SLC8A3: variants seen among roughly 807,000 people sequenced by gnomAD.
SLC8A3 encodes sodium/calcium exchanger 3.
Under a neutral mutation model 65.4 loss-of-function variants are expected in SLC8A3, and 37 were observed. The ratio of observed to expected loss-of-function variants is 0.57; its 90% confidence interval spans 0.44 to 0.74. The LOEUF (loss-of-function observed/expected upper bound fraction) is 0.74. Among genes scored for constraint, SLC8A3 ranks in the 30% least tolerant of loss-of-function variants. The probability of loss-of-function intolerance (pLI) is 0.00; values close to 1 mark genes in which losing one functional copy is unlikely to be tolerated. For missense variants in SLC8A3, 1,112 were observed against 1,172.1 expected (o/e 0.95, Z 0.75); for synonymous variants, 461 against 444.5 (o/e 1.04, Z -0.47).
rs773206169 is a variant in SLC8A3, at chr14:70,044,998, C to G, written c.*949G>C. On this transcript the variant is annotated 3_prime_UTR_variant, in exon 7 of 7. Transcript: ENST00000356921. ...TTTTGTTCTTCCAGTAGCCCTTTGTCGTCACACACCATTCCTATTTTTGTC... is the reference window on the plus strand; with the variant it reads ...TTTTGTTCTTCCAGTAGCCCTTTGTGGTCACACACCATTCCTATTTTTGTC... 2.6e-5 allele frequency: 4 copies of G among 152,198 alleles called. No individual in the cohort carries two copies. Among genetic ancestry groups the G allele is most frequent in the Non-Finnish European group, 5.9e-5 (4 of 68,042 alleles). 9.4% of individuals were successfully genotyped at this position (152,198 alleles called of 1,614,324 possible).
At chr14:70,097,142 C>G (rs1395993647) in intron 2 of SLC8A3, among the ~76,000 whole-genome samples, 1 of 151,942 alleles carries the variant, frequency 6.6e-6, no homozygotes, top group Non-Finnish European at 1.5e-5. Flanking sequence ...ACCATGGGCT[C>G]AAGGGAGATG....
At chr14:70,129,672 T>C (rs2140220917) in intron 2 of SLC8A3, among the ~76,000 whole-genome samples, 2 of 152,308 alleles carry the variant, frequency 1.3e-5, no homozygotes, top group Admixed American at 1.3e-4. Context: ...GAGATAGTTG[T>C]ATATTCAAGT....
At chr14:70,052,582 G>A (rs949148836) in intron 3 of SLC8A3, among the ~76,000 whole-genome samples, 1 of 147,836 alleles carries the variant, frequency 6.8e-6, no homozygotes, top group East Asian at 2.0e-4. Flanking sequence ...TTTACCAATG[G>A]TCCCTTCTCA....
Position 70,126,582 on chromosome 14 carries a change from A to T in SLC8A3, c.1784+40057T>A, listed in dbSNP as rs1323902275. On this transcript the variant is annotated intron_variant, in intron 2 of 6. Coordinates refer to ENST00000356921, the MANE Select transcript of SLC8A3 (RefSeq NM_182932.3). Reference sequence around the variant, plus strand: ...CTCTCTCTCTCTCTCACACACACACACACACACACACACACACACACACTT... The same window carrying T: ...CTCTCTCTCTCTCTCACACACACACTCACACACACACACACACACACACTT... Among the ~76,000 whole-genome samples the T allele has an allele frequency of 9.6e-4, 120 of 125,534 alleles. 1 individual carries two copies. Among genetic ancestry groups the T allele is most frequent in the African/African-American group, 3.0e-3 (110 of 36,780 alleles). The allele number at this position is 125,534 out of a possible 152,430, so 82.4% of individuals were successfully genotyped here.
At chr14:70,059,495 T>C (rs1888527903) in intron 3 of SLC8A3, 1 of 152,148 alleles carries the variant, frequency 6.6e-6, no homozygotes. Context: ...CCCTAACCCA[T>C]TCCCACATCT....
chr14:70,179,502 A>T (rs757348188), intron 1 of SLC8A3, among the ~76,000 whole-genome samples: 2 of 152,164 alleles, frequency 1.3e-5, no homozygotes, highest in African/African-American at 2.4e-5. Context: ...GGAAAGATGC[A>T]TCTAGGAAGA....
chr14:70,144,972 A>G (rs1895836727), intron 2 of SLC8A3, among the ~76,000 whole-genome samples: 1 of 152,192 alleles, frequency 6.6e-6, no homozygotes, highest in Admixed American at 6.5e-5. Flanking sequence ...TCTTACATTC[A>G]TCTTCATATG....
At chr14:70,179,209 C>T (rs753628611) in intron 1 of SLC8A3, among the ~76,000 whole-genome samples, 13 of 152,256 alleles carry the variant, frequency 8.5e-5, no homozygotes, top group East Asian at 7.7e-4. Context: ...GGCTTTCCCC[C>T]GCCCATCTTA....
chr14:70,104,527 C>A (rs1476182158), intron 2 of SLC8A3, among the ~76,000 whole-genome samples: 1 of 152,020 alleles, frequency 6.6e-6, no homozygotes, highest in African/African-American at 2.4e-5. Flanking sequence ...CCCTACTTAT[C>A]GCTGGTAATA....
At chr14:70,146,475 AG>A (rs1555380628) in intron 2 of SLC8A3, among the ~76,000 whole-genome samples, 1 of 152,240 alleles carries the variant, frequency 6.6e-6, no homozygotes, top group Non-Finnish European at 1.5e-5. Context: ...AAGCCCAGCA[AG>A]GGAAAAGGAA....
intron 2 of SLC8A3, among the ~76,000 whole-genome samples, chr14:70,086,676 C>T (rs1891470670): frequency 6.6e-6 from 1 of 152,052 alleles, no homozygotes; most frequent in South Asian, 2.1e-4. Flanking sequence ...AGTGCTGAGC[C>T]ACTGCACTTG....
chr14:70,167,670 T>A lies in SLC8A3; in HGVS notation c.753A>T (p.Ala251=). 6.2e-7 allele frequency: 1 copy of A among 1,614,146 alleles called. No homozygotes were observed. Among genetic ancestry groups the A allele is most frequent in the Non-Finnish European group, 8.5e-7 (1 of 1,180,008 alleles). Reference sequence around the variant, plus strand: ...ATTTGTAGAAGAGCAGTCGTTTATCTGCCACCCAGGCCAGAAGGACACACA... The same window carrying A: ...ATTTGTAGAAGAGCAGTCGTTTATCAGCCACCCAGGCCAGAAGGACACACA... ...FPVCVLLAWV[A]DKRLLFYKYM... Residue 251 remains alanine (A), a synonymous_variant, in exon 2 of 7, where the codon GCA becomes GCT. Transcript: ENST00000356921.
intron 3 of SLC8A3, among the ~76,000 whole-genome samples, chr14:70,056,760 T>G (rs1888169944): frequency 6.6e-6 from 1 of 152,212 alleles, no homozygotes; most frequent in Non-Finnish European, 1.5e-5. Context: ...TATACATAGA[T>G]GAGAGATGAC....
At chr14:70,074,984 T>TAC (rs1239945246) in intron 2 of SLC8A3, among the ~76,000 whole-genome samples, 1 of 152,146 alleles carries the variant, frequency 6.6e-6, no homozygotes, top group Non-Finnish European at 1.5e-5. Flanking sequence ...TGCTGCTGCT[T>TAC]ACTTACTACA....
intron 2 of SLC8A3, among the ~76,000 whole-genome samples, chr14:70,157,774 A>C (rs1336314182): frequency 6.6e-6 from 1 of 152,234 alleles, no homozygotes; most frequent in Non-Finnish European, 1.5e-5. Context: ...TCGTTTTCAC[A>C]TACAGGCAGA....
chr14:70,076,932 A>G (rs1372607102), intron 2 of SLC8A3, among the ~76,000 whole-genome samples: 1 of 152,206 alleles, frequency 6.6e-6, no homozygotes, highest in African/African-American at 2.4e-5. Flanking sequence ...GCTTTTGACA[A>G]ATTACCGAAT....
At chr14:70,135,056 T>C (rs1188087611) in intron 2 of SLC8A3, among the ~76,000 whole-genome samples, 2 of 152,064 alleles carry the variant, frequency 1.3e-5, no homozygotes, top group Non-Finnish European at 1.5e-5. Flanking sequence ...AAAAAACAAA[T>C]AATCCACTTA....
Position 70,062,820 on chromosome 14 carries a change from G to C in SLC8A3, c.1785-1881C>G, listed in dbSNP as rs185169498. ...TATGGGACCCCAGGGCTGTCTACAA[G>C]GTGTGAGCCTGTTTCTCTGCTGCAG... is the stretch of plus-strand genomic sequence containing the variant. On this transcript the variant is annotated intron_variant, in intron 2 of 6. Coordinates refer to ENST00000356921, the MANE Select transcript of SLC8A3 (RefSeq NM_182932.3). Among the ~76,000 whole-genome samples the C allele has an allele frequency of 1.3e-3, 192 of 152,306 alleles. 1 individual carries two copies. The highest frequency in any genetic ancestry group is 1.2e-3 in the Non-Finnish European group (83 of 68,022).
chr14:70,068,201 T>C (rs1889654889), intron 2 of SLC8A3, among the ~76,000 whole-genome samples: 1 of 152,168 alleles, frequency 6.6e-6, no homozygotes, highest in Non-Finnish European at 1.5e-5. Flanking sequence ...AGGGTTCTCT[T>C]TAGCCATTGA....
Sources: gnomAD v4.1 joint callset for allele counts (sites outside exome capture counted in the v4.1 genomes callset) on GRCh38, gnomAD v4.1.1 for gene constraint, MANE v1.5 for transcripts, NCBI Gene and HGNC (gene_info 2026-07-23, HGNC 2026-07-21) for gene names.